Variants in DEPDC1B observed in about 807,000 individuals in gnomAD.
DEPDC1B encodes DEP domain containing 1B.
In DEPDC1B, 51 loss-of-function variants were observed where a neutral mutation model predicts 66.5. That is an observed-to-expected ratio of 0.77 (90% confidence interval 0.61 to 0.97). The LOEUF (loss-of-function observed/expected upper bound fraction) is 0.97, where lower values mean the gene tolerates loss of function less well. DEPDC1B is among the 50% of genes least tolerant of loss of function. The pLI, the probability that DEPDC1B is intolerant of heterozygous loss-of-function variation, is 0.00. For missense variants in DEPDC1B, 552 were observed against 637.1 expected (o/e 0.87, Z 1.44); for synonymous variants, 226 against 223.6 (o/e 1.01, Z -0.10).
intron 7 of DEPDC1B, chr5:60,628,217 C>T (rs1003168945): frequency 6.6e-6 from 1 of 152,180 alleles, no homozygotes. Context: ...TACCTACCTT[C>T]GTCACCTTCT....
chr5:60,642,895 T>C (rs1458802538), intron 5 of DEPDC1B, 36 bp from the exon 6 acceptor site: 1 of 1,544,404 alleles, frequency 6.5e-7, no homozygotes, highest in Non-Finnish European at 8.9e-7. Flanking sequence ...CAATTCCATA[T>C]AACTCAAGAC....
intron 1 of DEPDC1B, among the ~76,000 whole-genome samples, chr5:60,697,901 T>C (rs1359970729): frequency 1.3e-5 from 2 of 152,164 alleles, no homozygotes; most frequent in Admixed American, 1.3e-4. Flanking sequence ...ACAAATTCCT[T>C]TGATAATATT....
At chr5:60,683,254 A>T (rs542346470) in intron 2 of DEPDC1B, among the ~76,000 whole-genome samples, 1 of 152,180 alleles carries the variant, frequency 6.6e-6, no homozygotes, top group South Asian at 2.1e-4. Flanking sequence ...ACATGGCAAA[A>T]CCCTGTCTCT....
chr5:60,675,903 C>CTTTTTTTTTTTTTTGTTTTTTT (rs1754145955), intron 2 of DEPDC1B, among the ~76,000 whole-genome samples: 2 of 138,962 alleles, frequency 1.4e-5, no homozygotes, highest in Non-Finnish European at 1.6e-5. Flanking sequence ...TTTCTTTTTT[C>CTTTTTTTTTTTTTTGTTTTTTT]TTTTTTTTTT....
At chr5:60,677,359 C>T (rs1418948433) in intron 2 of DEPDC1B, among the ~76,000 whole-genome samples, 2 of 148,304 alleles carry the variant, frequency 1.3e-5, no homozygotes, top group African/African-American at 2.5e-5. Context: ...CTCTCTCTCT[C>T]TCTCAAAAGA....
intron 2 of DEPDC1B, among the ~76,000 whole-genome samples, chr5:60,652,449 G>A (rs1753479497): frequency 6.7e-6 from 1 of 149,150 alleles, no homozygotes; most frequent in Non-Finnish European, 1.5e-5. Flanking sequence ...TGAGTCATCT[G>A]TTTCTTGTTC....
intron 2 of DEPDC1B, among the ~76,000 whole-genome samples, chr5:60,671,174 G>A (rs1754026855): frequency 6.6e-6 from 1 of 152,204 alleles, no homozygotes. Flanking sequence ...TAAGGGGATT[G>A]AGGATGAAGA....
intron 2 of DEPDC1B, among the ~76,000 whole-genome samples, chr5:60,666,025 GCA>G (rs1313543823): frequency 6.6e-6 from 1 of 152,182 alleles, no homozygotes; most frequent in Non-Finnish European, 1.5e-5. Context: ...TCTTGCAACT[GCA>G]CACTCTTCTG....
intron 1 of DEPDC1B, among the ~76,000 whole-genome samples, chr5:60,689,448 G>A (rs1018069423): frequency 6.6e-6 from 1 of 152,128 alleles, no homozygotes; most frequent in African/African-American, 2.4e-5. Flanking sequence ...CCATCTTTCA[G>A]AAGGAATTAA....
intron 7 of DEPDC1B, among the ~76,000 whole-genome samples, chr5:60,627,341 C>A (rs1033474503): frequency 6.6e-6 from 1 of 152,044 alleles, no homozygotes. Context: ...TACTTTTAAA[C>A]CCTTCAAGAT....
intron 5 of DEPDC1B, 60 bp downstream of exon 5, chr5:60,644,685 T>C (rs1396015562): frequency 4.2e-6 from 6 of 1,435,984 alleles, no homozygotes; most frequent in Non-Finnish European, 5.6e-6. Flanking sequence ...AAGGAGCTGA[T>C]GGACCTGTGC....
chr5:60,636,631 G>C (rs553259631), intron 7 of DEPDC1B, among the ~76,000 whole-genome samples: 1 of 152,144 alleles, frequency 6.6e-6, no homozygotes, highest in African/African-American at 2.4e-5. Context: ...TGCTATGTTA[G>C]ATACTTTGTT....
intron 1 of DEPDC1B, among the ~76,000 whole-genome samples, chr5:60,697,493 A>G (rs568637412): frequency 9.2e-5 from 14 of 152,312 alleles, no homozygotes; most frequent in Admixed American, 5.9e-4. Flanking sequence ...ACAAGTAAAA[A>G]GAGGACTAGT....
At chr5:60,630,112 AT>A (rs1752889986) in intron 7 of DEPDC1B, among the ~76,000 whole-genome samples, 1 of 152,086 alleles carries the variant, frequency 6.6e-6, no homozygotes. Flanking sequence ...TTTTGAGTTG[AT>A]TTTTGTGTAT....
intron 2 of DEPDC1B, among the ~76,000 whole-genome samples, chr5:60,662,141 C>G (rs1013415372): frequency 3.9e-5 from 6 of 152,026 alleles, no homozygotes; most frequent in Non-Finnish European, 8.8e-5. Flanking sequence ...GTAATCCCAG[C>G]ACTTTGGGAG....
Position 60,597,398 on chromosome 5 carries a change from A to AATAAAG in DEPDC1B, c.*349_*354dup, listed in dbSNP as rs1752117049. The AATAAAG allele has an allele frequency of 5.4e-6, 1 of 185,190 alleles. No individual in the cohort carries two copies. Among genetic ancestry groups the AATAAAG allele is most frequent in the African/African-American group, 2.4e-5 (1 of 41,740 alleles). The allele number at this position is 185,190 out of a possible 1,614,324, so 11.5% of individuals were successfully genotyped here. A position where few individuals can be genotyped will look rare whatever the true frequency, so the allele number is the denominator to read the frequency against. On this transcript the variant is annotated 3_prime_UTR_variant, in exon 11 of 11. Coordinates refer to ENST00000265036, the MANE Select transcript of DEPDC1B (RefSeq NM_018369.3). ...ACTTAAAATTAAGTCTTAAGGCTAT[A>AATAAAG]ATAAAGATATCAGTAGCTAGGATGT...
intron 9 of DEPDC1B, among the ~76,000 whole-genome samples, chr5:60,600,266 G>C (rs1415357498): frequency 1.3e-5 from 2 of 152,068 alleles, no homozygotes; most frequent in Non-Finnish European, 2.9e-5. Context: ...GAAGGGATAA[G>C]GGAGAAGAGA....
intron 2 of DEPDC1B, among the ~76,000 whole-genome samples, chr5:60,659,730 C>A (rs182320586): frequency 6.6e-6 from 1 of 152,324 alleles, no homozygotes; most frequent in Non-Finnish European, 1.5e-5. Context: ...CCCCCAAATT[C>A]TCCTTACCTC....
rs1584035597 is a variant in DEPDC1B at position 60,619,609 on chromosome 5, A to T, written c.899-13753T>A. ...GATGTGAAGGACCTCTTCAAGGAGAACTACAAACCACTGCTCAAGGAAATA... is the reference window on the plus strand; with the variant it reads ...GATGTGAAGGACCTCTTCAAGGAGATCTACAAACCACTGCTCAAGGAAATA... On this transcript the variant is annotated intron_variant, in intron 7 of 10. Coordinates refer to ENST00000265036, the MANE Select transcript of DEPDC1B (RefSeq NM_018369.3). 2.0e-5 allele frequency among the ~76,000 whole-genome samples: 3 copies of T among 152,362 alleles called. No homozygotes were observed. In the South Asian group the frequency reaches 6.2e-4, roughly 32 times the overall value.
Sources: allele counts gnomAD v4.1 joint callset (sites outside exome capture counted in the v4.1 genomes callset), GRCh38; gene constraint gnomAD v4.1.1; transcripts MANE v1.5; gene names NCBI Gene and HGNC (gene_info 2026-07-23, HGNC 2026-07-21).